Variants in WWOX observed in about 807,000 individuals in gnomAD.
WWOX encodes the protein WW domain containing oxidoreductase, also known as WW domain-containing oxidoreductase.
WWOX carries 69 observed loss-of-function variants against 46.2 expected under a neutral mutation model. That is an observed-to-expected ratio of 1.49 (90% CI 1.23 to 1.82). The LOEUF is 1.82. WWOX is among the 40% of genes most tolerant of loss of function. WWOX has a pLI of 0.00. For synonymous variants in WWOX, 359 were observed against 202.6 expected, an observed-to-expected ratio of 1.77 and a Z score of -6.56; for missense variants, 919 against 542.6, an observed-to-expected ratio of 1.69 and a Z score of -6.89.
intron 5 of WWOX, among the ~76,000 whole-genome samples, chr16:78,277,075 C>T (rs563355404): frequency 1.3e-5 from 2 of 152,256 alleles, no homozygotes; most frequent in South Asian, 4.1e-4. Context: ...TCAGCAGACC[C>T]GGTGAAGTTT....
chr16:78,224,773 T>C (rs945088260), intron 5 of WWOX, among the ~76,000 whole-genome samples: 1 of 152,250 alleles, frequency 6.6e-6, no homozygotes, highest in African/African-American at 2.4e-5. Context: ...TCACTAGGAA[T>C]AAGTAACGTT....
chr16:78,840,152 A>C (rs1050605803), intron 8 of WWOX, among the ~76,000 whole-genome samples: 1 of 152,206 alleles, frequency 6.6e-6, no homozygotes, highest in South Asian at 2.1e-4. Context: ...GTTTGTGGAC[A>C]TTGCCTCCCA....
intron 8 of WWOX, among the ~76,000 whole-genome samples, chr16:78,915,587 C>A (rs574098452): frequency 2.0e-5 from 3 of 152,218 alleles, no homozygotes; most frequent in African/African-American, 4.8e-5. Context: ...TGCACTGTGA[C>A]ATTGCTGGTT....
intron 8 of WWOX, among the ~76,000 whole-genome samples, chr16:79,073,182 T>TATTATTATTATC (rs1567531140): frequency 2.0e-5 from 3 of 147,876 alleles, no homozygotes; most frequent in African/African-American, 7.5e-5. Context: ...TTATTATTAT[T>TATTATTATTATC]ATTATTATTA....
chr16:78,909,210 A>C (rs1249189632), intron 8 of WWOX, among the ~76,000 whole-genome samples: 1 of 152,182 alleles, frequency 6.6e-6, no homozygotes, highest in Non-Finnish European at 1.5e-5. Context: ...AGGCTGTTTT[A>C]ATAACAGCCA....
At chr16:78,740,788 G>A (rs927437717) in intron 8 of WWOX, among the ~76,000 whole-genome samples, 7 of 152,160 alleles carry the variant, frequency 4.6e-5, no homozygotes, top group African/African-American at 1.7e-4. Flanking sequence ...AGCACTCTGT[G>A]TGTGTACGTG....
At chr16:78,260,554 C>T (rs984582558) in intron 5 of WWOX, among the ~76,000 whole-genome samples, 8 of 151,034 alleles carry the variant, frequency 5.3e-5, no homozygotes, top group Non-Finnish European at 1.2e-4. Flanking sequence ...TGTAATCCCA[C>T]CTACTTGGGA....
intron 5 of WWOX, among the ~76,000 whole-genome samples, chr16:78,221,256 A>G (rs562423191): frequency 1.7e-4 from 26 of 152,306 alleles, no homozygotes; most frequent in African/African-American, 5.8e-4. Context: ...TATATTTTCT[A>G]TAATTTCTAT....
chr16:79,203,820 G>C (rs1216834725), intron 8 of WWOX: 2 of 152,158 alleles, frequency 1.3e-5, no homozygotes, highest in African/African-American at 4.8e-5. Flanking sequence ...GGTTTATTTT[G>C]GTGTAGATGG....
rs140277077 is a variant in WWOX, at chr16:78,546,234, A to G, written c.1056+113482A>G. On this transcript the variant is annotated intron_variant, in intron 8 of 8. Coordinates refer to ENST00000566780, the MANE Select transcript of WWOX (RefSeq NM_016373.4). The stretch of plus-strand genomic sequence containing the variant: ...GACTCTAACCTTGTGTAGGAGCTAG[A>G]GAAGGCTTCTCTGAGGAGGTGAGGT... 5.3e-5 allele frequency among the ~76,000 whole-genome samples: 8 copies of G among 152,296 alleles called. No homozygotes were observed. The South Asian group carries it at 1.5e-3, about 28-fold the overall frequency.
intron 8 of WWOX, among the ~76,000 whole-genome samples, chr16:78,533,426 TC>T (rs2043676088): frequency 7.0e-6 from 1 of 142,280 alleles, no homozygotes; most frequent in Non-Finnish European, 1.5e-5. Context: ...AAAAAAAAAA[TC>T]CCCAAAAAAT....
chr16:78,969,086 G>A (rs2062900), intron 8 of WWOX, among the ~76,000 whole-genome samples: 85,134 of 151,714 alleles, frequency 0.56, 24,305 homozygotes, highest in Non-Finnish European at 0.61. Context: ...GAGACCTGGC[G>A]TATAATTGTG....
intron 8 of WWOX, among the ~76,000 whole-genome samples, chr16:79,129,333 A>G (rs1462250290): frequency 6.7e-6 from 1 of 149,924 alleles, no homozygotes; most frequent in Non-Finnish European, 1.5e-5. Flanking sequence ...TATGTTCGTT[A>G]TGCACATAGT....
At chr16:78,322,786 C>G (rs1366148217) in intron 5 of WWOX, among the ~76,000 whole-genome samples, 1 of 152,172 alleles carries the variant, frequency 6.6e-6, no homozygotes, top group Non-Finnish European at 1.5e-5. Flanking sequence ...TCCACTTTGT[C>G]ACCACAGCAC....
chr16:78,967,632 C>A (rs1422917044), intron 8 of WWOX, among the ~76,000 whole-genome samples: 1 of 151,830 alleles, frequency 6.6e-6, no homozygotes, highest in Non-Finnish European at 1.5e-5. Flanking sequence ...TAAAGAAATA[C>A]AGGAAACAGC....
intron 8 of WWOX, among the ~76,000 whole-genome samples, chr16:78,646,268 C>A (rs2046839988): frequency 6.6e-6 from 1 of 152,090 alleles, no homozygotes; most frequent in Admixed American, 6.5e-5. Flanking sequence ...AATCCTCTTG[C>A]TTCCCAAAGT....
intron 8 of WWOX, among the ~76,000 whole-genome samples, chr16:78,575,372 G>T (rs937057139): frequency 7.9e-5 from 12 of 151,422 alleles, no homozygotes; most frequent in Non-Finnish European, 1.2e-4. Flanking sequence ...GCCTGAAATA[G>T]CCCTATCTCC....
chr16:79,188,823 C>T (rs114937101), intron 8 of WWOX, among the ~76,000 whole-genome samples: 2,516 of 152,292 alleles, frequency 0.017, 71 homozygotes, highest in African/African-American at 0.056. Context: ...TGGGGCTGCT[C>T]GGTTCTCTCA....
chr16:78,492,859 C>T (rs1178843257), intron 8 of WWOX, among the ~76,000 whole-genome samples: 3 of 152,212 alleles, frequency 2.0e-5, no homozygotes, highest in Non-Finnish European at 1.5e-5. Context: ...GTCCCTTGAG[C>T]CTGGAGACGG....
Sources: allele counts gnomAD v4.1 joint callset (sites outside exome capture counted in the v4.1 genomes callset), GRCh38; gene constraint gnomAD v4.1.1; transcripts MANE v1.5; gene names NCBI Gene and HGNC (gene_info 2026-07-23, HGNC 2026-07-21).